DPP6: variants seen among roughly 807,000 people sequenced by gnomAD.
The protein encoded by DPP6 is dipeptidyl peptidase like 6, also known as A-type potassium channel modulatory protein DPP6.
In DPP6, 69 loss-of-function variants were observed where a neutral mutation model predicts 122.6. The ratio of observed to expected loss-of-function variants is 0.56; its 90% confidence interval spans 0.46 to 0.69. DPP6 has a LOEUF of 0.69. Ranked by LOEUF, DPP6 falls within the 30% of genes least tolerant of loss-of-function variation. The probability of loss-of-function intolerance (pLI) is 0.00; values close to 1 mark genes in which losing one functional copy is unlikely to be tolerated. For missense variants in DPP6, 928 were observed against 1,116.9 expected, an observed-to-expected ratio of 0.83 and a Z score of 2.41; for synonymous variants, 418 against 433.1, an observed-to-expected ratio of 0.97 and a Z score of 0.43.
At chr7:154,158,051 A>G (rs1325870506) in intron 1 of DPP6, among the ~76,000 whole-genome samples, 1 of 149,514 alleles carries the variant, frequency 6.7e-6, no homozygotes, top group Admixed American at 6.7e-5. Context: ...ATAGATGAAG[A>G]TTAACTCTTC....
intron 2 of DPP6, among the ~76,000 whole-genome samples, chr7:154,449,493 T>C (rs1820165797): frequency 6.6e-6 from 1 of 152,094 alleles, no homozygotes; most frequent in African/African-American, 2.4e-5. Flanking sequence ...AGTAGAAAGA[T>C]AAATTGTGTG....
At chr7:154,101,852 TG>T (rs1220532114) in intron 1 of DPP6, among the ~76,000 whole-genome samples, 1 of 137,692 alleles carries the variant, frequency 7.3e-6, no homozygotes, top group Non-Finnish European at 1.5e-5. Flanking sequence ...CACTTGAACC[TG>T]GGAGGCAGAG....
chr7:154,744,178 C>A (rs1197387661), intron 8 of DPP6, among the ~76,000 whole-genome samples: 1 of 152,050 alleles, frequency 6.6e-6, no homozygotes, highest in Non-Finnish European at 1.5e-5. Flanking sequence ...CCAAGCTTTC[C>A]TACTTAAATT....
chr7:154,879,055 G>GGACA (rs1584962788), intron 20 of DPP6, among the ~76,000 whole-genome samples: 1 of 152,164 alleles, frequency 6.6e-6, no homozygotes, highest in Non-Finnish European at 1.5e-5. Context: ...TCCTTCCTGG[G>GGACA]GACAGCACCT....
At chr7:154,288,138 G>T (rs1011570301) in intron 1 of DPP6, among the ~76,000 whole-genome samples, 1 of 152,180 alleles carries the variant, frequency 6.6e-6, no homozygotes, top group African/African-American at 2.4e-5. Flanking sequence ...AACTTCCTCT[G>T]GTTTTCTTAC....
chr7:153,867,791 CATAG>C, the DPP6 span, among the ~76,000 whole-genome samples: 1 of 152,146 alleles, frequency 6.6e-6, no homozygotes, highest in Non-Finnish European at 1.5e-5. Flanking sequence ...GTGGGTTTGA[CATAG>C]ATAGCTCTTA....
chr7:154,841,773 C>T (rs372654812), intron 16 of DPP6, among the ~76,000 whole-genome samples: 1 of 151,788 alleles, frequency 6.6e-6, no homozygotes, highest in African/African-American at 2.4e-5. Context: ...CCCCTCGAGC[C>T]GCGCTCCTCG....
chr7:154,407,943 A>G (rs529323825), intron 1 of DPP6, among the ~76,000 whole-genome samples: 1 of 152,352 alleles, frequency 6.6e-6, no homozygotes, highest in Non-Finnish European at 1.5e-5. Flanking sequence ...TGTGCAAGAT[A>G]TTTAACTTTG....
chr7:154,532,515 A>G (rs1827920686), intron 3 of DPP6, among the ~76,000 whole-genome samples: 1 of 152,148 alleles, frequency 6.6e-6, no homozygotes, highest in Non-Finnish European at 1.5e-5. Context: ...GAAGTAGAAT[A>G]CAGAAATAAT....
chr7:153,853,694 A>G, the DPP6 span, among the ~76,000 whole-genome samples: 1 of 152,242 alleles, frequency 6.6e-6, no homozygotes, highest in Non-Finnish European at 1.5e-5. Context: ...TATGGGTCTC[A>G]GTGGACATGG....
At chr7:153,785,265 C>G in the DPP6 span, among the ~76,000 whole-genome samples, 1 of 152,094 alleles carries the variant, frequency 6.6e-6, no homozygotes, top group East Asian at 1.9e-4. Context: ...CTTTTGGTGT[C>G]CATTCTAGTG....
At chr7:154,801,935 C>G (rs1563226540) in intron 13 of DPP6, among the ~76,000 whole-genome samples, 1 of 152,082 alleles carries the variant, frequency 6.6e-6, no homozygotes, top group Non-Finnish European at 1.5e-5. Flanking sequence ...CCATCACTCA[C>G]TGGTTCTGGG....
At chr7:153,877,939 A>G in the DPP6 span, among the ~76,000 whole-genome samples, 1 of 152,216 alleles carries the variant, frequency 6.6e-6, no homozygotes, top group Admixed American at 6.5e-5. Flanking sequence ...GACACTACAA[A>G]TGACAAATGG....
At chr7:154,365,654 C>G (rs570320607) in intron 1 of DPP6, among the ~76,000 whole-genome samples, 2 of 152,280 alleles carry the variant, frequency 1.3e-5, no homozygotes, top group Non-Finnish European at 2.9e-5. Flanking sequence ...CACCGTCCTT[C>G]TTAAAAGTGG....
At chr7:153,849,277 T>TG in the DPP6 span, among the ~76,000 whole-genome samples, 2 of 79,332 alleles carry the variant, frequency 2.5e-5, no homozygotes, top group Non-Finnish European at 5.5e-5. Flanking sequence ...TATGTTTTCT[T>TG]TTTTTTTTTT....
the DPP6 span, among the ~76,000 whole-genome samples, chr7:153,799,902 T>G: frequency 6.6e-6 from 1 of 152,162 alleles, no homozygotes; most frequent in Non-Finnish European, 1.5e-5. Flanking sequence ...AAGTATTCCT[T>G]TTTAGACAAA....
At chr7:154,086,785 A>G (rs2150540254) in intron 1 of DPP6, among the ~76,000 whole-genome samples, 1 of 152,094 alleles carries the variant, frequency 6.6e-6, no homozygotes, top group South Asian at 2.1e-4. Context: ...CGCCCGGCTA[A>G]TTTTTATATT....
intron 1 of DPP6, among the ~76,000 whole-genome samples, chr7:154,036,303 GGGGC>G (rs376608734): frequency 0.31 from 38,228 of 122,368 alleles, 5,450 homozygotes; most frequent in African/African-American, 0.38. Flanking sequence ...CGGGGGGTTG[GGGGC>G]GGGGGGATTC....
intron 1 of DPP6, among the ~76,000 whole-genome samples, chr7:154,394,941 C>T (rs1450638444): frequency 3.3e-5 from 5 of 152,140 alleles, no homozygotes; most frequent in South Asian, 2.1e-4. Flanking sequence ...ATTGGGATTG[C>T]GATAGAGATG....
Sources: allele counts gnomAD v4.1 joint callset (sites outside exome capture counted in the v4.1 genomes callset), GRCh38; gene constraint gnomAD v4.1.1; transcripts MANE v1.5; gene names NCBI Gene and HGNC (gene_info 2026-07-23, HGNC 2026-07-21).